The following MDGA2 variants were observed in gnomAD, a reference collection of about 807,000 sequenced individuals.
MDGA2 encodes the protein MAM domain containing glycosylphosphatidylinositol anchor 2, also known as MAM domain-containing glycosylphosphatidylinositol anchor protein 2.
Under a neutral mutation model 117.8 loss-of-function variants are expected in MDGA2, and 40 were observed. That is an observed-to-expected ratio of 0.34 (90% CI 0.26 to 0.44). The LOEUF is 0.44. Among genes scored for constraint, MDGA2 ranks in the 20% least tolerant of loss-of-function variants. The pLI, the probability that MDGA2 is intolerant of heterozygous loss-of-function variation, is 1.00. For synonymous variants in MDGA2, 452 were observed against 439.0 expected, an observed-to-expected ratio of 1.03 and a Z score of -0.37; for missense variants, 1,123 against 1,250.6, an observed-to-expected ratio of 0.90 and a Z score of 1.54.
intron 1 of MDGA2, among the ~76,000 whole-genome samples, chr14:47,333,341 T>C (rs1890346920): frequency 6.6e-6 from 1 of 151,934 alleles, no homozygotes; most frequent in Non-Finnish European, 1.5e-5. Flanking sequence ...CCAACCTGAC[T>C]GGTGTATGAT....
rs1016444262 is a variant in MDGA2, at chr14:47,538,222, A to T, written c.280+136295T>A. On this transcript the variant is annotated intron_variant, in intron 1 of 16. Transcript: ENST00000399232. ...TGCCCTGGATATATATGGCTTAGTG[A>T]TAAAATAAAATTGAGAGCTTTTCCT... Among the ~76,000 whole-genome samples, 5 of 152,216 alleles carry T rather than the reference A, an allele frequency of 3.3e-5. No homozygotes were observed. In the East Asian group the frequency reaches 9.6e-4, roughly 29 times the overall value.
chr14:46,936,236 A>G lies in MDGA2; in HGVS notation c.2090-16076T>C, dbSNP rs189037606. On this transcript the variant is annotated intron_variant, in intron 9 of 16. Coordinates refer to ENST00000399232, the MANE Select transcript of MDGA2 (RefSeq NM_001113498.3). ...AAAAGTTCTGTCAGCTTCTGACACC[A>G]GCCCATAAGATAGGGGCAAACCAGA... 1.7e-3 allele frequency among the ~76,000 whole-genome samples: 261 copies of G among 152,264 alleles called. 1 individual carries two copies. Among genetic ancestry groups the G allele is most frequent in the African/African-American group, 5.9e-3 (245 of 41,562 alleles).
chr14:47,042,312 GTTTTTTTTTT>G (rs748830079), intron 7 of MDGA2, among the ~76,000 whole-genome samples: 1 of 129,992 alleles, frequency 7.7e-6, no homozygotes. Flanking sequence ...CCAAATCTAT[GTTTTTTTTTT>G]TTTTTTGTGT....
intron 1 of MDGA2, among the ~76,000 whole-genome samples, chr14:47,658,033 G>C (rs2138284542): frequency 6.6e-6 from 1 of 152,290 alleles, no homozygotes; most frequent in Non-Finnish European, 1.5e-5. Context: ...TACAGGGCCT[G>C]TGTGGCTAAG....
At chr14:47,273,417 C>G (rs1423666293) in intron 2 of MDGA2, among the ~76,000 whole-genome samples, 2 of 152,072 alleles carry the variant, frequency 1.3e-5, no homozygotes, top group East Asian at 3.9e-4. Context: ...AGAGCAAACT[C>G]ACAATGTTTG....
chr14:47,037,413 T>C (rs1291435409), intron 7 of MDGA2, among the ~76,000 whole-genome samples: 1 of 152,216 alleles, frequency 6.6e-6, no homozygotes, highest in Non-Finnish European at 1.5e-5. Flanking sequence ...AATGTAAAGA[T>C]ATGAATACTG....
intron 5 of MDGA2, among the ~76,000 whole-genome samples, chr14:47,105,377 A>C: frequency 1.4e-5 from 2 of 142,578 alleles, no homozygotes; most frequent in African/African-American, 5.3e-5. Context: ...AGAACCCCCC[A>C]CCCCTTCTCC....
intron 1 of MDGA2, among the ~76,000 whole-genome samples, chr14:47,662,778 G>A (rs1897874225): frequency 6.6e-6 from 1 of 152,086 alleles, no homozygotes; most frequent in Non-Finnish European, 1.5e-5. Flanking sequence ...AAGACTGGGA[G>A]GTTTCTAAAC....
At chr14:47,552,758 A>G (rs1895607600) in intron 1 of MDGA2, among the ~76,000 whole-genome samples, 2 of 152,058 alleles carry the variant, frequency 1.3e-5, no homozygotes, top group Admixed American at 1.3e-4. Flanking sequence ...GTAATAGTCA[A>G]ATTTTTTCTT....
intron 12 of MDGA2, among the ~76,000 whole-genome samples, chr14:46,876,955 A>T (rs1566503590): frequency 6.6e-6 from 1 of 151,600 alleles, no homozygotes; most frequent in Admixed American, 6.6e-5. Context: ...AATATAAAAC[A>T]AAATAAAAAC....
At chr14:47,312,199 G>A (rs1345922564) in intron 1 of MDGA2, among the ~76,000 whole-genome samples, 4 of 152,074 alleles carry the variant, frequency 2.6e-5, no homozygotes, top group African/African-American at 9.7e-5. Context: ...TCATTTATTT[G>A]AGGATGGAGT....
chr14:47,021,337 T>A (rs1186797778), intron 8 of MDGA2, among the ~76,000 whole-genome samples: 1 of 152,106 alleles, frequency 6.6e-6, no homozygotes, highest in Non-Finnish European at 1.5e-5. Context: ...AAGGGAAAGA[T>A]TAAGGTAAAA....
intron 1 of MDGA2, among the ~76,000 whole-genome samples, chr14:47,351,241 C>T (rs1007741796): frequency 1.1e-4 from 16 of 152,028 alleles, no homozygotes; most frequent in African/African-American, 3.6e-4. Context: ...GCCACCATGC[C>T]CCGCTAATTT....
chr14:46,879,048 T>A (rs1035924391), intron 11 of MDGA2, among the ~76,000 whole-genome samples: 2 of 152,132 alleles, frequency 1.3e-5, no homozygotes, highest in Non-Finnish European at 2.9e-5. Context: ...TATAAATGCA[T>A]ATTATAGACA....
intron 8 of MDGA2, among the ~76,000 whole-genome samples, chr14:47,031,316 GT>G (rs899460924): frequency 6.6e-6 from 1 of 151,538 alleles, no homozygotes; most frequent in African/African-American, 2.4e-5. Context: ...TGCTCCTTTA[GT>G]TTTTTTGAGT....
chr14:47,517,964 G>C (rs1370957138), intron 1 of MDGA2, among the ~76,000 whole-genome samples: 1 of 152,092 alleles, frequency 6.6e-6, no homozygotes, highest in African/African-American at 2.4e-5. Context: ...TTAAAGTGAT[G>C]AGTGCCCATG....
chr14:47,440,183 G>A (rs1229915697), intron 1 of MDGA2, among the ~76,000 whole-genome samples: 3 of 152,060 alleles, frequency 2.0e-5, no homozygotes, highest in Non-Finnish European at 2.9e-5. Context: ...AGGATCCCTG[G>A]AGGAAAGCAG....
chr14:47,517,916 ATTC>A (rs1310566358), intron 1 of MDGA2, among the ~76,000 whole-genome samples: 3 of 152,172 alleles, frequency 2.0e-5, no homozygotes, highest in Admixed American at 2.0e-4. Flanking sequence ...TCACTTTGTA[ATTC>A]TTCTTTCTTT....
Position 46,873,300 on chromosome 14 carries a change from T to G in MDGA2, c.2752+133A>C. On this transcript the variant is annotated intron_variant, in intron 14 of 16. Coordinates refer to ENST00000399232, the MANE Select transcript of MDGA2 (RefSeq NM_001113498.3). ...ATTCTTACTATCTTATTTTGCAATTTGCAGATAAATCATTTAAAAAGTGAA... is the reference window on the plus strand; with the variant it reads ...ATTCTTACTATCTTATTTTGCAATTGGCAGATAAATCATTTAAAAAGTGAA... 3 of 749,380 alleles carry G rather than the reference T, an allele frequency of 4.0e-6. No individual in the cohort carries two copies. The South Asian group carries it at 9.2e-5, about 23-fold the overall frequency. 46.4% of individuals were successfully genotyped at this position (749,380 alleles called of 1,614,324 possible). A position where few individuals can be genotyped will look rare whatever the true frequency, so the allele number is the denominator to read the frequency against.
Sources: allele counts gnomAD v4.1 joint callset (sites outside exome capture counted in the v4.1 genomes callset), GRCh38; gene constraint gnomAD v4.1.1; transcripts MANE v1.5; gene names NCBI Gene and HGNC (gene_info 2026-07-23, HGNC 2026-07-21).